ZNF609: variants seen among roughly 807,000 people sequenced by gnomAD.
ZNF609 encodes zinc finger protein 609.
ZNF609 carries 11 observed loss-of-function variants against 109.5 expected under a neutral mutation model. The observed-to-expected ratio is 0.10, with a 90% confidence interval of 0.06 to 0.17. The LOEUF is 0.17. Among genes scored for constraint, ZNF609 ranks in the 10% least tolerant of loss-of-function variants. The pLI is 1.00. For missense variants in ZNF609, 1,559 were observed against 1,772.4 expected (o/e 0.88, Z 2.16); for synonymous variants, 646 against 662.0 (o/e 0.98, Z 0.37).
At chr15:64,476,540 G>A (rs1893172747) in intron 1 of ZNF609, among the ~76,000 whole-genome samples, 1 of 152,086 alleles carries the variant, frequency 6.6e-6, no homozygotes, top group Non-Finnish European at 1.5e-5. Context: ...TGAGATTAGT[G>A]GATTCTCTTC....
At chr15:64,679,709 A>G (rs1395038390) in intron 6 of ZNF609, among the ~76,000 whole-genome samples, 4 of 152,216 alleles carry the variant, frequency 2.6e-5, no homozygotes, top group Admixed American at 2.0e-4. Flanking sequence ...TCTGAGATTT[A>G]TAGACATTAT....
chr15:64,650,437 TA>T (rs144475549), intron 3 of ZNF609, among the ~76,000 whole-genome samples: 3 of 149,332 alleles, frequency 2.0e-5, no homozygotes, highest in Non-Finnish European at 3.0e-5. Flanking sequence ...AAAAAAATTG[TA>T]AAAAAAATAG....
chr15:64,567,499 C>T (rs534876209), intron 2 of ZNF609, among the ~76,000 whole-genome samples: 46 of 151,434 alleles, frequency 3.0e-4, no homozygotes, highest in Middle Eastern at 6.8e-3. Flanking sequence ...AAACAAAAAA[C>T]ATTCCATCTA....
At chr15:64,624,800 C>A (rs932858193) in intron 3 of ZNF609, among the ~76,000 whole-genome samples, 1 of 144,370 alleles carries the variant, frequency 6.9e-6, no homozygotes, top group African/African-American at 2.5e-5. Context: ...CACCCTGTCA[C>A]CCAGGCTGGA....
At chr15:64,671,416 G>A (rs1896729898) in intron 4 of ZNF609, 1 of 151,930 alleles carries the variant, frequency 6.6e-6, no homozygotes, top group African/African-American at 2.4e-5. Context: ...CACTTTGACT[G>A]GAATTATTAA....
At chr15:64,537,100 G>A (rs1894162236) in intron 2 of ZNF609, among the ~76,000 whole-genome samples, 1 of 151,454 alleles carries the variant, frequency 6.6e-6, no homozygotes, top group Non-Finnish European at 1.5e-5. Flanking sequence ...GTGGGCAGTT[G>A]TAATCCCAGC....
intron 2 of ZNF609, among the ~76,000 whole-genome samples, chr15:64,598,302 G>A (rs2140944954): frequency 6.6e-6 from 1 of 152,160 alleles, no homozygotes; most frequent in African/African-American, 2.4e-5. Context: ...TTTTGATAGA[G>A]ACAGGTTTTC....
At chr15:64,623,716 T>C (rs1878553749) in intron 3 of ZNF609, among the ~76,000 whole-genome samples, 1 of 152,244 alleles carries the variant, frequency 6.6e-6, no homozygotes, top group South Asian at 2.1e-4. Context: ...ACGGAATCTA[T>C]TCTGTTTTGA....
In ZNF609 at chr15:64,533,858, C is replaced by T. The variant is rs147988492; in HGVS notation, c.747+33692C>T. ...CCAGGTAATGGGCATTGATACAGTC[C>T]ATCAATCTTACTCAGATTTGCCTTG... On this transcript the variant is annotated intron_variant, in intron 2 of 9. Coordinates refer to ENST00000326648, the MANE Select transcript of ZNF609 (RefSeq NM_015042.2). Among the ~76,000 whole-genome samples the T allele has an allele frequency of 3.9e-4, 60 of 152,240 alleles. 1 individual carries two copies. The highest frequency in any genetic ancestry group is 1.2e-3 in the Admixed American group (19 of 15,282).
chr15:64,512,041 G>T (rs765230395), intron 2 of ZNF609, among the ~76,000 whole-genome samples: 14 of 151,468 alleles, frequency 9.2e-5, no homozygotes, highest in Non-Finnish European at 1.9e-4. Context: ...TTCAACAGGT[G>T]CTTGTAATGT....
At chr15:64,657,651 A>T (rs1366396123) in intron 3 of ZNF609, among the ~76,000 whole-genome samples, 4 of 152,172 alleles carry the variant, frequency 2.6e-5, no homozygotes, top group Admixed American at 2.6e-4. Context: ...TTAATCTGAC[A>T]ATAGTTTACC....
intron 2 of ZNF609, chr15:64,529,733 A>T (rs1426090523): frequency 1.6e-6 from 1 of 613,386 alleles, no homozygotes; most frequent in East Asian, 3.3e-5. Flanking sequence ...GAACAGGAGG[A>T]GCAGAGACTT....
intron 3 of ZNF609, among the ~76,000 whole-genome samples, chr15:64,637,325 G>A (rs1896191236): frequency 2.0e-5 from 3 of 152,264 alleles, no homozygotes; most frequent in Non-Finnish European, 4.4e-5. Flanking sequence ...GTTTGAGGCT[G>A]TTATAAAAAG....
At chr15:64,484,415 C>A (rs594815) in intron 1 of ZNF609, among the ~76,000 whole-genome samples, 1 of 151,972 alleles carries the variant, frequency 6.6e-6, no homozygotes, top group Non-Finnish European at 1.5e-5. Context: ...CAGTGGCTCA[C>A]GCCTGTAATC....
At chr15:64,630,174 C>T (rs984144429) in intron 3 of ZNF609, among the ~76,000 whole-genome samples, 5 of 148,052 alleles carry the variant, frequency 3.4e-5, no homozygotes, top group South Asian at 2.1e-4. Flanking sequence ...GGGGTTCAAG[C>T]GATTCTTCTG....
At chr15:64,662,004 T>A (rs1261269140) in intron 3 of ZNF609, among the ~76,000 whole-genome samples, 3 of 152,122 alleles carry the variant, frequency 2.0e-5, no homozygotes, top group Non-Finnish European at 4.4e-5. Context: ...CTTAACTGGG[T>A]GGTCTGACTC....
rs765812079 is a variant in ZNF609 at position 64,674,400 on chromosome 15, C to G, written c.1546C>G (p.Gln516Glu). The change falls in exon 5 of 10, where the codon CAA becomes GAA. Residue 516 changes from glutamine (Q) to glutamate (E), a missense_variant. Transcript: ENST00000326648. ...GCACATCAATGGACTTAAGTACCAC[C>G]AAGCTCATGCCCATACAGATGATGA... is the stretch of plus-strand genomic sequence containing the variant. The part of the protein sequence containing the change: ...YKHINGLKYH[Q>E]AHAHTDDDSK... 2 of 1,614,184 alleles carry G rather than the reference C, an allele frequency of 1.2e-6. No individual in the cohort carries two copies. Among genetic ancestry groups the G allele is most frequent in the South Asian group, 2.2e-5 (2 of 91,078 alleles).
chr15:64,564,824 T>A (rs1364818591), intron 2 of ZNF609, among the ~76,000 whole-genome samples: 1 of 151,936 alleles, frequency 6.6e-6, no homozygotes, highest in East Asian at 1.9e-4. Context: ...TACATTGTTA[T>A]ACACATTGCT....
At chr15:64,666,267 G>A (rs936025666) in intron 3 of ZNF609, among the ~76,000 whole-genome samples, 2 of 150,272 alleles carry the variant, frequency 1.3e-5, no homozygotes, top group African/African-American at 2.5e-5. Context: ...GGTGGCACAC[G>A]CCTGTAATCC....
Sources: gnomAD v4.1 joint callset for allele counts (sites outside exome capture counted in the v4.1 genomes callset) on GRCh38, gnomAD v4.1.1 for gene constraint, MANE v1.5 for transcripts, NCBI Gene and HGNC (gene_info 2026-07-23, HGNC 2026-07-21) for gene names.